Variants in DLK1 observed in about 807,000 individuals in gnomAD.
DLK1 encodes delta like non-canonical Notch ligand 1.
DLK1 carries 9 observed loss-of-function variants against 35.2 expected under a neutral mutation model. The ratio of observed to expected loss-of-function variants is 0.26; its 90% CI spans 0.15 to 0.45. DLK1 has a LOEUF of 0.45. Ranked by LOEUF, DLK1 falls within the 20% of genes least tolerant of loss-of-function variation. The probability of loss-of-function intolerance (pLI) is 1.00; values close to 1 mark genes in which losing one functional copy is unlikely to be tolerated. For synonymous variants in DLK1, 231 were observed against 228.4 expected (o/e 1.01, Z -0.10); for missense variants, 522 against 528.5 (o/e 0.99, Z 0.12).
Position 100,735,011 on chromosome 14 carries a change from A to G in DLK1, c.*115A>G, listed in dbSNP as rs2139865928. ...TCTTGTGTCAAATCTGGTGAACGCT[A>G]CGCTTACATATATTGTCTTTGTGCT... On this transcript the variant is annotated 3_prime_UTR_variant, in exon 5 of 5. Transcript: ENST00000341267. The G allele has an allele frequency of 1.4e-6, 2 of 1,383,816 alleles. No homozygotes were observed. Among genetic ancestry groups the G allele is most frequent in the Middle Eastern group, 1.9e-4 (1 of 5,386 alleles). 85.7% of individuals were successfully genotyped at this position (1,383,816 alleles called of 1,614,324 possible). A position where few individuals can be genotyped will look rare whatever the true frequency, so the allele number is the denominator to read the frequency against.
rs769725042 is a variant in DLK1 at position 100,729,131 on chromosome 14, C to G, written c.262+65C>G. ...ACCTGCCTGCCCTAGCCCCTACCAC[C>G]TCCTCCCAGTCTCCTGTTGCTGGTG... On this transcript the variant is annotated intron_variant, in intron 3 of 4. Coordinates refer to ENST00000341267, the MANE Select transcript of DLK1 (RefSeq NM_003836.7). 1.4e-5 allele frequency: 23 copies of G among 1,605,810 alleles called. No homozygotes were observed. In the Admixed American group the frequency reaches 3.8e-4, roughly 27 times the overall value.
At chr14:100,728,838 A>AC (rs934541453) in intron 2 of DLK1, 98 bp from the exon 3 acceptor site, 2 of 1,491,308 alleles carry the variant, frequency 1.3e-6, no homozygotes, top group African/African-American at 1.4e-5. Context: ...CTGTGCAAAG[A>AC]CCCCCAAGGG....
intron 3 of DLK1, among the ~76,000 whole-genome samples, chr14:100,731,670 G>A (rs915199573): frequency 6.6e-6 from 1 of 152,174 alleles, no homozygotes; most frequent in African/African-American, 2.4e-5. Flanking sequence ...ATGCAGTCTT[G>A]TCTGGTGGAG....
In DLK1 at chr14:100,732,182, G is replaced by A. The variant is rs191731751; in HGVS notation, c.403G>A (p.Gly135Ser). ...AAAGGACGGGCCCTGTGTGATCAACGGGTAAATATCCTTCCTGTGTGTGAT... is the reference window on the plus strand; with the variant it reads ...AAAGGACGGGCCCTGTGTGATCAACAGGTAAATATCCTTCCTGTGTGTGAT... Reference protein sequence around the residue: ...QKKDGPCVINGSPCQHGGTCV... With the variant: ...QKKDGPCVINSSPCQHGGTCV... Residue 135 changes from glycine (G) to serine (S), a missense_variant and splice_region_variant, in exon 4 of 5, where the codon GGC becomes AGC. Transcript: ENST00000341267. 9.9e-6 allele frequency: 16 copies of A among 1,612,562 alleles called. No homozygotes were observed. Among genetic ancestry groups the A allele is most frequent in the Non-Finnish European group, 1.3e-5 (15 of 1,179,470 alleles).
At chr14:100,730,252 G>A (rs61492029) in intron 3 of DLK1, among the ~76,000 whole-genome samples, 200 of 152,332 alleles carry the variant, frequency 1.3e-3, no homozygotes, top group African/African-American at 4.7e-3. Context: ...TGAGTCGTTT[G>A]AGGATCTGGG....
rs187788198 is a variant in DLK1, at chr14:100,736,789, C to T, written c.*1893C>T. ...GCACGCGTCCCCAGCCCCTCCCAGC[C>T]TCACCCCAAAAACCCTGTCACCCCA... is the stretch of plus-strand genomic sequence containing the variant. On this transcript the variant is annotated 3_prime_UTR_variant, in exon 5 of 5. Transcript: ENST00000341267. The T allele has an allele frequency of 1.3e-5, 2 of 152,028 alleles. No individual in the cohort carries two copies. Among genetic ancestry groups the T allele is most frequent in the African/African-American group, 4.9e-5 (2 of 41,082 alleles). The allele number at this position is 152,028 out of a possible 1,614,324, so 9.4% of individuals were successfully genotyped here.
rs1047802644 is a variant in DLK1 at position 100,736,725 on chromosome 14, C to G, written c.*1829C>G. On this transcript the variant is annotated 3_prime_UTR_variant, in exon 5 of 5. Transcript: ENST00000341267. ...GAGCCCCTCCTACCCGCCTCTGTCC[C>G]CACCAGGCCCCTCCCTACCGTCAGC... 1 of 152,712 alleles carries G rather than the reference C, an allele frequency of 6.5e-6. No individual in the cohort carries two copies. The highest frequency in any genetic ancestry group is 2.4e-5 in the African/African-American group (1 of 41,294). 9.5% of individuals were successfully genotyped at this position (152,712 alleles called of 1,614,324 possible).
At chr14:100,731,656 G>A (rs554019904) in intron 3 of DLK1, among the ~76,000 whole-genome samples, 97 of 152,270 alleles carry the variant, frequency 6.4e-4, no homozygotes, top group African/African-American at 2.3e-3. Context: ...AGGAGAGGGT[G>A]GAGATGCAGT....
intron 1 of DLK1, among the ~76,000 whole-genome samples, chr14:100,727,444 T>G (rs1231431105): frequency 6.6e-6 from 1 of 152,168 alleles, no homozygotes; most frequent in African/African-American, 2.4e-5. Context: ...TTGTGGAGTC[T>G]TCTATGAAAA....
chr14:100,729,335 A>C (rs1201915207), intron 3 of DLK1: 3 of 649,560 alleles, frequency 4.6e-6, no homozygotes, highest in Non-Finnish European at 8.3e-6. Flanking sequence ...CTGCCTGTTG[A>C]ATAAAGAGTC....
At chr14:100,732,332 T>C in intron 4 of DLK1, 149 bp downstream of exon 4, 1 of 1,232,516 alleles carries the variant, frequency 8.1e-7, no homozygotes, top group Non-Finnish European at 1.1e-6. Context: ...CCGCCCTGGA[T>C]GGGAGTATTC....
intron 4 of DLK1, among the ~76,000 whole-genome samples, chr14:100,732,684 C>T (rs2036523705): frequency 1.3e-5 from 2 of 152,168 alleles, no homozygotes; most frequent in Admixed American, 6.5e-5. Context: ...GGCCAGCTGT[C>T]GGCTATCCTC....
chr14:100,728,616 G>GC lies in DLK1; in HGVS notation c.131+157_131+158insC, dbSNP rs1404704324. ...AACTGGTGGGGCGAGCTGGGGAGATGGGGGGGGCGGGGGGGGGGCAGCCAC... is the reference window on the plus strand; with the variant it reads ...AACTGGTGGGGCGAGCTGGGGAGATGCGGGGGGGCGGGGGGGGGGCAGCCAC... On this transcript the variant is annotated intron_variant, in intron 2 of 4. Coordinates refer to ENST00000341267, the MANE Select transcript of DLK1 (RefSeq NM_003836.7). 5.5e-5 allele frequency: 10 copies of GC among 183,068 alleles called. 2 individuals are homozygous for GC. In the Middle Eastern group the frequency reaches 5.4e-3, roughly 99 times the overall value. 11.3% of individuals were successfully genotyped at this position (183,068 alleles called of 1,614,324 possible). A position where few individuals can be genotyped will look rare whatever the true frequency, so the allele number is the denominator to read the frequency against.
rs915602656 is a variant in DLK1, at chr14:100,734,958, T to C, written c.*62T>C. 6.7e-7 allele frequency: 1 copy of C among 1,502,208 alleles called. No homozygotes were observed. The highest frequency in any genetic ancestry group is 1.3e-5 in the South Asian group (1 of 75,252). The allele number at this position is 1,502,208 out of a possible 1,614,324, so 93.1% of individuals were successfully genotyped here. ...TCCGCAGAGCTTACTATACGCGGTC[T>C]GTCCTAATCTTTGTGGTGTTCGCTA... is the stretch of plus-strand genomic sequence containing the variant. On this transcript the variant is annotated 3_prime_UTR_variant, in exon 5 of 5. Coordinates refer to ENST00000341267, the MANE Select transcript of DLK1 (RefSeq NM_003836.7). The surrounding 1 kb of genome is among the most constrained non-coding windows in gnomAD (Gnocchi z 7.4).
chr14:100,728,951 G>T lies in DLK1; in HGVS notation c.147G>T (p.Trp49Cys). ...CCCATTGCAGGTGCCAGCCTGGCTG[G>T]CAGGGTCCCCTTTGTGACCAGTGCG... ...DDNVCRCQPG[W>C]QGPLCDQCVT... Residue 49 changes from tryptophan (W) to cysteine (C), a missense_variant, in exon 3 of 5, where the codon TGG (tryptophan) becomes TGT (cysteine). Transcript: ENST00000341267. 6.2e-7 allele frequency: 1 copy of T among 1,613,792 alleles called. No individual in the cohort carries two copies. The highest frequency in any genetic ancestry group is 8.5e-7 in the Non-Finnish European group (1 of 1,179,880).
At position 100,736,147 on chromosome 14, in the gene DLK1, A is replaced by T. The variant is rs892010657; in HGVS notation, c.*1251A>T. The T allele has an allele frequency of 6.7e-6, 1 of 148,524 alleles. No individual in the cohort carries two copies. The highest frequency in any genetic ancestry group is 2.5e-5 in the African/African-American group (1 of 40,092). The allele number at this position is 148,524 out of a possible 1,614,324, so 9.2% of individuals were successfully genotyped here. On this transcript the variant is annotated 3_prime_UTR_variant, in exon 5 of 5. Coordinates refer to ENST00000341267, the MANE Select transcript of DLK1 (RefSeq NM_003836.7). ...TCCTCAGATCTCAAAAGACCTAGCC[A>T]GCTTCTGAATTTTGAATTTGACTTT...
Position 100,735,580 on chromosome 14 carries a change from C to T in DLK1, c.*684C>T, listed in dbSNP as rs1200445692. ...CCCTCTCGAGGGAGGGGTTTGAACA[C>T]CGACCACCATGGTCCTCTCTGGCTC... On this transcript the variant is annotated 3_prime_UTR_variant, in exon 5 of 5. Coordinates refer to ENST00000341267, the MANE Select transcript of DLK1 (RefSeq NM_003836.7). The T allele has an allele frequency of 6.6e-6, 1 of 152,134 alleles. No homozygotes were observed. The highest frequency in any genetic ancestry group is 1.5e-5 in the Non-Finnish European group (1 of 68,040). The allele number at this position is 152,134 out of a possible 1,614,324, so 9.4% of individuals were successfully genotyped here.
At chr14:100,729,089 C>A in intron 3 of DLK1, 23 bp downstream of exon 3, 2 of 1,612,738 alleles carry the variant, frequency 1.2e-6, no homozygotes, top group Non-Finnish European at 1.7e-6. Context: ...CTTTGTTCAC[C>A]TCAGCTCTGC....
In DLK1 at chr14:100,734,546, C is replaced by G. The variant is rs953600993; in HGVS notation, c.802C>G (p.Leu268Val). The change falls in exon 5 of 5, where the codon CTG becomes GTG. Residue 268 changes from leucine to valine, a missense_variant. By Grantham distance (32) the Leu-to-Val change is conservative. Coordinates refer to ENST00000341267, the MANE Select transcript of DLK1 (RefSeq NM_003836.7). The surrounding 1 kb of genome is among the most constrained non-coding windows in gnomAD (Gnocchi z 7.4). The stretch of plus-strand genomic sequence containing the variant: ...CAGCGGCTATGGGCTGGCCTACCGC[C>G]TGACCCCTGGGGTGCACGAGCTGCC... Reference protein sequence around the residue: ...LPSGYGLAYRLTPGVHELPVQ... With the variant: ...LPSGYGLAYRVTPGVHELPVQ... The G allele has an allele frequency of 1.2e-6, 2 of 1,612,920 alleles. No homozygotes were observed. Among genetic ancestry groups the G allele is most frequent in the Admixed American group, 3.3e-5 (2 of 59,980 alleles).
Sources: gnomAD v4.1 joint callset for allele counts (sites outside exome capture counted in the v4.1 genomes callset) on GRCh38, gnomAD v4.1.1 for gene constraint, Gnocchi (gnomAD v3.1) non-coding constraint, MANE v1.5 for transcripts, NCBI Gene and HGNC (gene_info 2026-07-23, HGNC 2026-07-21) for gene names.